Variants in CD247 observed in about 807,000 individuals in gnomAD.
CD247 encodes T-cell surface glycoprotein CD3 zeta chain.
Under a neutral mutation model 30.0 loss-of-function variants are expected in CD247, and 13 were observed. That is an observed-to-expected ratio of 0.43 (90% confidence interval 0.28 to 0.69). CD247 has a LOEUF of 0.69. Ranked by LOEUF, CD247 falls within the 30% of genes least tolerant of loss-of-function variation. The pLI, the probability that CD247 is intolerant of heterozygous loss-of-function variation, is 0.16. For missense variants in CD247, 193 were observed against 212.6 expected, an observed-to-expected ratio of 0.91 and a Z score of 0.57; for synonymous variants, 72 against 80.0, an observed-to-expected ratio of 0.90 and a Z score of 0.53.
intron 1 of CD247, among the ~76,000 whole-genome samples, chr1:167,495,469 C>T (rs1571585434): frequency 6.6e-6 from 1 of 152,158 alleles, no homozygotes; most frequent in African/African-American, 2.4e-5. Flanking sequence ...CATATAGGAG[C>T]GCAACAGATG....
chr1:167,436,402 G>A (rs1419302712), intron 4 of CD247, among the ~76,000 whole-genome samples: 3 of 152,174 alleles, frequency 2.0e-5, no homozygotes, highest in African/African-American at 7.2e-5. Context: ...TTTCTTCTAA[G>A]ATCTGAAACA....
chr1:167,475,188 A>G (rs1201804632), intron 1 of CD247, among the ~76,000 whole-genome samples: 1 of 152,132 alleles, frequency 6.6e-6, no homozygotes, highest in Admixed American at 6.5e-5. Context: ...AAACCCCACC[A>G]TTTTTATTAT....
intron 1 of CD247, among the ~76,000 whole-genome samples, chr1:167,481,716 A>G (rs912757397): frequency 5.3e-5 from 8 of 152,174 alleles, no homozygotes; most frequent in Admixed American, 1.3e-4. Flanking sequence ...ATGGAGCCAC[A>G]TTGCAAATGG....
chr1:167,496,873 T>G (rs1026752099), intron 1 of CD247, among the ~76,000 whole-genome samples: 1 of 152,084 alleles, frequency 6.6e-6, no homozygotes, highest in Non-Finnish European at 1.5e-5. Context: ...CAGAAGGAGA[T>G]AGCCCTGGAA....
chr1:167,471,821 C>T (rs1194435683), intron 1 of CD247, among the ~76,000 whole-genome samples: 2 of 141,814 alleles, frequency 1.4e-5, no homozygotes, highest in Non-Finnish European at 1.5e-5. Flanking sequence ...TTTTTTCTTT[C>T]TGTTTCTTTC....
intron 4 of CD247, among the ~76,000 whole-genome samples, chr1:167,436,524 A>G (rs771520470): frequency 3.9e-5 from 6 of 152,254 alleles, no homozygotes; most frequent in Non-Finnish European, 8.8e-5. Flanking sequence ...TGGTCTCTTC[A>G]ATAAACGGTG....
At chr1:167,456,329 G>T (rs1652668898) in intron 1 of CD247, among the ~76,000 whole-genome samples, 1 of 152,218 alleles carries the variant, frequency 6.6e-6, no homozygotes. Flanking sequence ...ACGGAGGGAA[G>T]TGGCTGAGTT....
At chr1:167,511,164 GA>G (rs35129118) in intron 1 of CD247, among the ~76,000 whole-genome samples, 1 of 152,158 alleles carries the variant, frequency 6.6e-6, no homozygotes. Flanking sequence ...AGGAGTTAGT[GA>G]AAAAACAAAT....
intron 3 of CD247, 46 bp downstream of exon 3, chr1:167,439,298 G>C: frequency 3.2e-6 from 5 of 1,571,018 alleles, no homozygotes; most frequent in Non-Finnish European, 3.5e-6. Flanking sequence ...GTCCGAGGAG[G>C]AGGCTGCCCT....
chr1:167,443,959 A>C (rs1571519561), intron 1 of CD247, among the ~76,000 whole-genome samples: 2 of 152,316 alleles, frequency 1.3e-5, no homozygotes, highest in Admixed American at 1.3e-4. Flanking sequence ...TACGCAATTA[A>C]TTAAATATTC....
At chr1:167,472,546 T>C (rs970680946) in intron 1 of CD247, among the ~76,000 whole-genome samples, 8 of 151,622 alleles carry the variant, frequency 5.3e-5, no homozygotes, top group African/African-American at 2.0e-4. Flanking sequence ...AATGTGGACT[T>C]TTTTTTTCAA....
intron 1 of CD247, among the ~76,000 whole-genome samples, chr1:167,470,931 G>A (rs1405877853): frequency 6.7e-6 from 1 of 150,092 alleles, no homozygotes; most frequent in Non-Finnish European, 1.5e-5. Context: ...GAGTGCAATG[G>A]CACAATCTCG....
intron 1 of CD247, among the ~76,000 whole-genome samples, chr1:167,515,347 G>A (rs973674652): frequency 1.3e-5 from 2 of 152,186 alleles, no homozygotes; most frequent in Non-Finnish European, 2.9e-5. Context: ...TGATGACTGG[G>A]TGGATTTTGT....
At position 167,518,404 on chromosome 1, in the gene CD247, C is replaced by G; in HGVS notation, c.58+4G>C. ...GTTCCCTGCCGTCGACACGTCGGCC[C>G]TACCTGTAATCGGCAACTGTGCCTG... On this transcript the variant is annotated splice_donor_region_variant and intron_variant, in intron 1 of 7. Coordinates refer to ENST00000362089, the MANE Select transcript of CD247 (RefSeq NM_198053.3). 6.2e-7 allele frequency: 1 copy of G among 1,614,118 alleles called. No homozygotes were observed. The highest frequency in any genetic ancestry group is 8.5e-7 in the Non-Finnish European group (1 of 1,179,942).
At chr1:167,487,860 A>C (rs1490154472) in intron 1 of CD247, among the ~76,000 whole-genome samples, 1 of 152,220 alleles carries the variant, frequency 6.6e-6, no homozygotes. Context: ...CCTCCTGAGT[A>C]GCTGGGATTA....
chr1:167,516,814 C>T (rs1393075540), intron 1 of CD247, among the ~76,000 whole-genome samples: 1 of 152,194 alleles, frequency 6.6e-6, no homozygotes, highest in African/African-American at 2.4e-5. Flanking sequence ...CCCATCTTGT[C>T]TGCTGGGTGG....
At chr1:167,441,230 G>A (rs2101996936) in intron 1 of CD247, among the ~76,000 whole-genome samples, 1 of 152,328 alleles carries the variant, frequency 6.6e-6, no homozygotes, top group African/African-American at 2.4e-5. Flanking sequence ...GGTCAAATGA[G>A]ATCATTTCAA....
At chr1:167,440,206 A>T (rs1651752471) in intron 2 of CD247, 1 of 242,910 alleles carries the variant, frequency 4.1e-6, no homozygotes, top group African/African-American at 2.2e-5. Flanking sequence ...CCACACCATG[A>T]CCAGCCCCAC....
chr1:167,484,052 G>T (rs1266418793), intron 1 of CD247, among the ~76,000 whole-genome samples: 1 of 152,222 alleles, frequency 6.6e-6, no homozygotes, highest in East Asian at 1.9e-4. Flanking sequence ...GAGCCTGAAT[G>T]GTGGGCCAGG....
Sources: gnomAD v4.1 joint callset for allele counts (sites outside exome capture counted in the v4.1 genomes callset) on GRCh38, gnomAD v4.1.1 for gene constraint, MANE v1.5 for transcripts, NCBI Gene and HGNC (gene_info 2026-07-23, HGNC 2026-07-21) for gene names.